The following RBFOX1 variants were observed in gnomAD, a reference collection of about 807,000 sequenced individuals.
RBFOX1 encodes the protein RNA binding protein fox-1 homolog 1.
RBFOX1 carries 8 observed loss-of-function variants against 57.7 expected under a neutral mutation model. The observed-to-expected ratio is 0.14, with a 90% CI of 0.08 to 0.25. The LOEUF is 0.25. RBFOX1 is among the 10% of genes least tolerant of loss of function. The probability of loss-of-function intolerance (pLI) is 1.00; values close to 1 mark genes in which losing one functional copy is unlikely to be tolerated. For synonymous variants in RBFOX1, 326 were observed against 222.4 expected, an observed-to-expected ratio of 1.47 and a Z score of -4.15; for missense variants, 611 against 548.5, an observed-to-expected ratio of 1.11 and a Z score of -1.14.
intron 14 of RBFOX1, among the ~76,000 whole-genome samples, chr16:7,704,596 G>A (rs1391878908): frequency 6.6e-6 from 1 of 152,144 alleles, no homozygotes; most frequent in Non-Finnish European, 1.5e-5. Flanking sequence ...CTAGACAGTG[G>A]GGATGCAATG....
At chr16:5,677,791 G>A (rs955542973) in intron 3 of RBFOX1, among the ~76,000 whole-genome samples, 2 of 152,178 alleles carry the variant, frequency 1.3e-5, no homozygotes, top group African/African-American at 4.8e-5. Flanking sequence ...ATGTGGAAAG[G>A]CTTGGTGGTG....
chr16:6,670,081 G>C (rs1185654185), intron 3 of RBFOX1, among the ~76,000 whole-genome samples: 1 of 152,120 alleles, frequency 6.6e-6, no homozygotes, highest in African/African-American at 2.4e-5. Context: ...GAGTGCAGTG[G>C]TATGATCATG....
chr16:5,791,335 A>G (rs1003053754), intron 3 of RBFOX1, among the ~76,000 whole-genome samples: 5 of 152,244 alleles, frequency 3.3e-5, no homozygotes, highest in African/African-American at 1.2e-4. Context: ...TAATTATATC[A>G]TCTTAACAGA....
At chr16:7,403,585 T>G (rs1043481463) in intron 4 of RBFOX1, among the ~76,000 whole-genome samples, 3 of 140,568 alleles carry the variant, frequency 2.1e-5, no homozygotes, top group Non-Finnish European at 4.7e-5. Flanking sequence ...ACTTTTTTTT[T>G]GCCCAGTCTG....
At chr16:7,654,078 G>A (rs1597379734) in intron 12 of RBFOX1, 131 bp downstream of exon 12, 5 of 902,960 alleles carry the variant, frequency 5.5e-6, no homozygotes, top group Non-Finnish European at 6.4e-6. Context: ...CCAGCATGCA[G>A]CCCGGCCGCG....
intron 5 of RBFOX1, among the ~76,000 whole-genome samples, chr16:7,557,048 G>C (rs994337958): frequency 1.3e-5 from 2 of 152,076 alleles, no homozygotes; most frequent in African/African-American, 4.8e-5. Flanking sequence ...TTGGAGTCAG[G>C]CTTGATACAG....
chr16:6,043,275 C>A (rs896866256), intron 1 of RBFOX1, among the ~76,000 whole-genome samples: 2 of 151,844 alleles, frequency 1.3e-5, no homozygotes, highest in African/African-American at 4.8e-5. Context: ...AAAAGGTGTC[C>A]GTCTCCCACC....
At chr16:5,978,032 C>G in intron 4 of RBFOX1, among the ~76,000 whole-genome samples, 1 of 148,608 alleles carries the variant, frequency 6.7e-6, no homozygotes, top group South Asian at 2.1e-4. Flanking sequence ...ACCGCGCCCC[C>G]AGTTTTGTAA....
chr16:7,265,508 G>C (rs899520309), intron 4 of RBFOX1, among the ~76,000 whole-genome samples: 3 of 151,950 alleles, frequency 2.0e-5, no homozygotes, highest in Non-Finnish European at 2.9e-5. Flanking sequence ...GAGTGCAGTG[G>C]CACGATCTCA....
At chr16:7,139,492 C>T (rs1463112070) in intron 4 of RBFOX1, among the ~76,000 whole-genome samples, 2 of 152,032 alleles carry the variant, frequency 1.3e-5, no homozygotes, top group Admixed American at 1.3e-4. Flanking sequence ...AACTAAATAG[C>T]CCCAGATAGT....
At chr16:7,484,875 A>G (rs945462869) in intron 4 of RBFOX1, among the ~76,000 whole-genome samples, 3 of 152,186 alleles carry the variant, frequency 2.0e-5, no homozygotes, top group South Asian at 4.1e-4. Flanking sequence ...CCTTTGGGCT[A>G]TCAGATGAAT....
rs1450253710 is a variant in RBFOX1, at chr16:6,650,230, T to C, written c.-63-4373T>C. ...GGAGAGTCTCACTTTGAGAAGCACA[T>C]GTACCTTGCTTCTCCAGGTTTTTTT... On this transcript the variant is annotated intron_variant, in intron 2 of 15. Transcript: ENST00000550418. Among the ~76,000 whole-genome samples the C allele has an allele frequency of 2.6e-5, 4 of 152,202 alleles. No individual in the cohort carries two copies. In the East Asian group the frequency reaches 7.7e-4, roughly 29 times the overall value.
At chr16:7,227,463 T>A (rs535387588) in intron 4 of RBFOX1, among the ~76,000 whole-genome samples, 88 of 152,270 alleles carry the variant, frequency 5.8e-4, no homozygotes, top group Non-Finnish European at 9.9e-4. Flanking sequence ...CTTAAAAGTA[T>A]GCGATTTTAT....
chr16:6,608,349 C>A (rs1047024303), intron 2 of RBFOX1, among the ~76,000 whole-genome samples: 1 of 152,094 alleles, frequency 6.6e-6, no homozygotes, highest in Non-Finnish European at 1.5e-5. Context: ...GGCTTAAATC[C>A]CAGTATTATT....
chr16:7,267,032 G>T (rs1229430133), intron 4 of RBFOX1, among the ~76,000 whole-genome samples: 2 of 152,132 alleles, frequency 1.3e-5, no homozygotes, highest in Non-Finnish European at 2.9e-5. Context: ...AGCCAGCGGG[G>T]TAGACAGGAG....
chr16:5,591,029 T>TC (rs1298392295), intron 2 of RBFOX1, among the ~76,000 whole-genome samples: 11 of 151,920 alleles, frequency 7.2e-5, no homozygotes, highest in South Asian at 2.1e-4. Flanking sequence ...TTTTTTTTTT[T>TC]TTCGGAAAAT....
intron 2 of RBFOX1, among the ~76,000 whole-genome samples, chr16:5,496,502 C>A (rs988251217): frequency 6.6e-6 from 1 of 152,160 alleles, no homozygotes; most frequent in Non-Finnish European, 1.5e-5. Context: ...CATCTTCTTT[C>A]CTCATCTCTC....
At chr16:7,162,506 G>C (rs912610102) in intron 4 of RBFOX1, among the ~76,000 whole-genome samples, 7 of 149,394 alleles carry the variant, frequency 4.7e-5, no homozygotes, top group Admixed American at 1.3e-4. Flanking sequence ...GAGGGGGATA[G>C]ATCACCTGAG....
At chr16:6,459,327 A>C (rs1044416662) in intron 2 of RBFOX1, among the ~76,000 whole-genome samples, 5 of 152,088 alleles carry the variant, frequency 3.3e-5, no homozygotes, top group African/African-American at 9.7e-5. Context: ...CAGAGGGCGA[A>C]ATCAGCAAGT....
Sources: allele counts gnomAD v4.1 joint callset (sites outside exome capture counted in the v4.1 genomes callset), GRCh38; gene constraint gnomAD v4.1.1; transcripts MANE v1.5; gene names NCBI Gene and HGNC (gene_info 2026-07-23, HGNC 2026-07-21).